SV2C: variants seen among roughly 807,000 people sequenced by gnomAD.
The protein encoded by SV2C is solute carrier family 22 member B3.
A neutral mutation model predicts 79.7 loss-of-function variants in SV2C; 49 were observed. The observed-to-expected ratio is 0.61, with a 90% confidence interval of 0.49 to 0.78. The LOEUF (loss-of-function observed/expected upper bound fraction) is 0.78, where lower values mean the gene tolerates loss of function less well. Among genes scored for constraint, SV2C ranks in the 30% least tolerant of loss-of-function variants. SV2C has a pLI of 0.00. For missense variants in SV2C, 833 were observed against 912.9 expected, an observed-to-expected ratio of 0.91 and a Z score of 1.13; for synonymous variants, 334 against 333.2, an observed-to-expected ratio of 1.00 and a Z score of -0.03.
At chr5:76,186,332 C>A (rs1308721443) in intron 2 of SV2C, among the ~76,000 whole-genome samples, 2 of 152,100 alleles carry the variant, frequency 1.3e-5, no homozygotes, top group Non-Finnish European at 2.9e-5. Context: ...TACCCAGTAC[C>A]AATTTAGTGT....
chr5:76,322,689 A>T (rs760702219), intron 12 of SV2C, among the ~76,000 whole-genome samples: 5 of 152,230 alleles, frequency 3.3e-5, no homozygotes, highest in Non-Finnish European at 7.3e-5. Flanking sequence ...CAAAACAGAC[A>T]TATAGACCAA....
chr5:76,208,542 A>G (rs1375031804), intron 3 of SV2C, among the ~76,000 whole-genome samples: 1 of 152,218 alleles, frequency 6.6e-6, no homozygotes, highest in African/African-American at 2.4e-5. Context: ...TTTGCTGCCA[A>G]AATGACCTTT....
At chr5:76,131,613 G>A in intron 1 of SV2C, 37 bp from the exon 2 acceptor site, 1 of 542,450 alleles carries the variant, frequency 1.8e-6, no homozygotes, top group Non-Finnish European at 3.1e-6. Context: ...TATATAGAAA[G>A]GAATAATAAG....
the SV2C span, among the ~76,000 whole-genome samples, chr5:75,898,801 G>A: frequency 1.3e-5 from 2 of 151,784 alleles, no homozygotes; most frequent in African/African-American, 4.9e-5. Context: ...TCTTGGGAGG[G>A]TGTATGTGTT....
At chr5:75,964,429 T>A in the SV2C span, among the ~76,000 whole-genome samples, 2 of 152,176 alleles carry the variant, frequency 1.3e-5, no homozygotes, top group Non-Finnish European at 2.9e-5. Context: ...CCTGATATAG[T>A]GGGGGCTCAG....
chr5:76,240,775 C>T (rs1489637021), intron 4 of SV2C, among the ~76,000 whole-genome samples: 3 of 152,190 alleles, frequency 2.0e-5, no homozygotes, highest in Non-Finnish European at 2.9e-5. Context: ...AACTAAGACA[C>T]CACCTCAAAA....
At chr5:76,019,058 C>T in the SV2C span, among the ~76,000 whole-genome samples, 1 of 152,052 alleles carries the variant, frequency 6.6e-6, no homozygotes, top group African/African-American at 2.4e-5. Context: ...GTCCCAACTT[C>T]CTTGAGGAAA....
At chr5:76,049,019 G>GAAAGAAAGAAAGAGA in the SV2C span, among the ~76,000 whole-genome samples, 2 of 89,258 alleles carry the variant, frequency 2.2e-5, no homozygotes, top group Non-Finnish European at 2.2e-5. Flanking sequence ...AAGAAAGAAA[G>GAAAGAAAGAAAGAGA]AAAGAAAAAG....
At chr5:76,237,648 T>C (rs1501927) in intron 4 of SV2C, among the ~76,000 whole-genome samples, 66,109 of 151,922 alleles carry the variant, frequency 0.44, 15,409 homozygotes, top group African/African-American at 0.6. Context: ...GGTCCTTGCA[T>C]AACTGACAGT....
chr5:75,897,295 G>A, the SV2C span, among the ~76,000 whole-genome samples: 2 of 151,830 alleles, frequency 1.3e-5, no homozygotes, highest in African/African-American at 2.4e-5. Flanking sequence ...TGGCTAGCCT[G>A]TTTTCCCAGC....
At chr5:76,189,474 G>C (rs189353345) in intron 2 of SV2C, among the ~76,000 whole-genome samples, 1 of 152,296 alleles carries the variant, frequency 6.6e-6, no homozygotes, top group Non-Finnish European at 1.5e-5. Flanking sequence ...TCAGAGGCAT[G>C]GTAGAAACCC....
At chr5:75,948,694 T>C in the SV2C span, among the ~76,000 whole-genome samples, 1 of 151,856 alleles carries the variant, frequency 6.6e-6, no homozygotes, top group Admixed American at 6.6e-5. Context: ...GGAGAAGGGA[T>C]GTTTAAGGAA....
chr5:75,878,932 A>G, the SV2C span, among the ~76,000 whole-genome samples: 1 of 152,218 alleles, frequency 6.6e-6, no homozygotes, highest in Non-Finnish European at 1.5e-5. Flanking sequence ...TGAGGACCTC[A>G]GTAAGCTTAC....
chr5:75,941,581 G>T, the SV2C span, among the ~76,000 whole-genome samples: 2 of 152,132 alleles, frequency 1.3e-5, no homozygotes, highest in Non-Finnish European at 2.9e-5. Flanking sequence ...GTAGGTATAT[G>T]GCTGTCCAGC....
chr5:76,054,151 C>A, the SV2C span, among the ~76,000 whole-genome samples: 2 of 152,020 alleles, frequency 1.3e-5, no homozygotes, highest in Non-Finnish European at 1.5e-5. Context: ...CCTTTACCCA[C>A]CCCCCTGACA....
At chr5:75,932,294 T>A in the SV2C span, among the ~76,000 whole-genome samples, 8 of 152,156 alleles carry the variant, frequency 5.3e-5, no homozygotes, top group African/African-American at 1.2e-4. Flanking sequence ...GCTGCAGAGC[T>A]TCACATGGGA....
chr5:76,192,685 G>T (rs1157962099), intron 2 of SV2C, among the ~76,000 whole-genome samples: 1 of 152,174 alleles, frequency 6.6e-6, no homozygotes, highest in African/African-American at 2.4e-5. Flanking sequence ...ATCCACAAAT[G>T]AACCTTCTAA....
chr5:75,879,570 G>T, the SV2C span, among the ~76,000 whole-genome samples: 4 of 152,180 alleles, frequency 2.6e-5, no homozygotes, highest in East Asian at 5.8e-4. Context: ...CAAGAGGTGG[G>T]CTCCCAAGGC....
rs931016484 is a variant in SV2C, at chr5:76,109,464, C to G, written c.-101-22186C>G. 3.5e-4 allele frequency among the ~76,000 whole-genome samples: 54 copies of G among 152,282 alleles called. 1 individual carries two copies. Among genetic ancestry groups the G allele is most frequent in the Middle Eastern group, 3.4e-3 (1 of 294 alleles). On this transcript the variant is annotated intron_variant, in intron 1 of 12. Coordinates refer to ENST00000502798, the MANE Select transcript of SV2C (RefSeq NM_014979.4). Reference sequence around the variant, plus strand: ...AATGTGGGTTCATTTCATATACAGTCAGTTCTTTAGTAGGATGGGTGTTAC... The same window carrying G: ...AATGTGGGTTCATTTCATATACAGTGAGTTCTTTAGTAGGATGGGTGTTAC...
Sources: allele counts gnomAD v4.1 joint callset (sites outside exome capture counted in the v4.1 genomes callset), GRCh38; gene constraint gnomAD v4.1.1; transcripts MANE v1.5; gene names NCBI Gene and HGNC (gene_info 2026-07-23, HGNC 2026-07-21).